The following LYPD6 variants were observed in gnomAD, a reference collection of about 807,000 sequenced individuals.
The protein encoded by LYPD6 is LY6/PLAUR domain containing 6.
Under a neutral mutation model 22.7 loss-of-function variants are expected in LYPD6, and 15 were observed. That is an observed-to-expected ratio of 0.66 (90% CI 0.44 to 1.02). The LOEUF (loss-of-function observed/expected upper bound fraction) is 1.02, where lower values mean the gene tolerates loss of function less well. Ranked by LOEUF, LYPD6 falls within the 50% of genes least tolerant of loss-of-function variation. LYPD6 has a pLI of 0.00. For synonymous variants in LYPD6, 72 were observed against 77.5 expected (o/e 0.93, Z 0.37); for missense variants, 189 against 208.4 (o/e 0.91, Z 0.57).
intron 1 of LYPD6, among the ~76,000 whole-genome samples, chr2:149,428,471 T>C (rs185448391): frequency 8.5e-5 from 13 of 152,314 alleles, no homozygotes; most frequent in African/African-American, 2.6e-4. Flanking sequence ...CATTCTCTTC[T>C]TCCTCCTCCA....
At chr2:149,451,631 C>CT (rs1680816533) in intron 3 of LYPD6, among the ~76,000 whole-genome samples, 1 of 152,306 alleles carries the variant, frequency 6.6e-6, no homozygotes, top group Admixed American at 6.5e-5. Context: ...CATCTTGATA[C>CT]TTTCTTTTGA....
chr2:149,469,644 T>C (rs1175643299), intron 4 of LYPD6, among the ~76,000 whole-genome samples: 6 of 152,168 alleles, frequency 3.9e-5, no homozygotes, highest in Admixed American at 1.3e-4. Context: ...ATCTGCCTAT[T>C]CTGCTCCTGG....
chr2:149,331,183 G>C (rs1680931068), intron 1 of LYPD6, among the ~76,000 whole-genome samples: 1 of 152,132 alleles, frequency 6.6e-6, no homozygotes, highest in African/African-American at 2.4e-5. Flanking sequence ...CGGCCACCCG[G>C]AGCCTCTAAG....
the LYPD6 span, among the ~76,000 whole-genome samples, chr2:149,481,710 G>A: frequency 3.9e-5 from 6 of 152,226 alleles, no homozygotes; most frequent in African/African-American, 1.4e-4. Context: ...TGTTCAATGT[G>A]TCATACTATG....
At chr2:149,479,402 CCTT>C in the LYPD6 span, among the ~76,000 whole-genome samples, 3 of 152,180 alleles carry the variant, frequency 2.0e-5, no homozygotes, top group African/African-American at 4.8e-5. Flanking sequence ...CCCTCAGACT[CCTT>C]CTATGAATTC....
chr2:149,381,755 G>A (rs1365959968), intron 1 of LYPD6, among the ~76,000 whole-genome samples: 1 of 152,110 alleles, frequency 6.6e-6, no homozygotes, highest in South Asian at 2.1e-4. Context: ...TCATATGTTG[G>A]TTGCCCCAAC....
At chr2:149,402,468 T>A (rs1682581794) in intron 1 of LYPD6, among the ~76,000 whole-genome samples, 1 of 152,184 alleles carries the variant, frequency 6.6e-6, no homozygotes, top group African/African-American at 2.4e-5. Flanking sequence ...TCCACACTGT[T>A]TTCCATAGTG....
Position 149,351,621 on chromosome 2 carries a change from G to T in LYPD6, c.-72+20899G>T, listed in dbSNP as rs566872725. 6.6e-5 allele frequency among the ~76,000 whole-genome samples: 10 copies of T among 152,196 alleles called. No individual in the cohort carries two copies. In the East Asian group the frequency reaches 1.7e-3, roughly 26 times the overall value. ...TTATTATTTTAAAAATTTAAAAGTG[G>T]ATTATTGAAGGTCTACCATGCACCT... On this transcript the variant is annotated intron_variant, in intron 1 of 4. Transcript: ENST00000334166.
intron 3 of LYPD6, among the ~76,000 whole-genome samples, chr2:149,460,747 C>T (rs780554368): frequency 6.6e-6 from 1 of 151,996 alleles, no homozygotes; most frequent in Non-Finnish European, 1.5e-5. Context: ...ATAAAGCAAA[C>T]CTCAACAAAC....
At chr2:149,409,501 A>G (rs891567905) in intron 1 of LYPD6, among the ~76,000 whole-genome samples, 4 of 152,202 alleles carry the variant, frequency 2.6e-5, no homozygotes, top group African/African-American at 9.6e-5. Flanking sequence ...GAGCAGGGCC[A>G]TAGAACTCCC....
intron 1 of LYPD6, among the ~76,000 whole-genome samples, chr2:149,429,418 G>A (rs1203477622): frequency 6.6e-6 from 1 of 152,210 alleles, no homozygotes; most frequent in Admixed American, 6.5e-5. Context: ...GTCTAAACTG[G>A]ATGGTTAGGT....
rs149964416 is a variant in LYPD6, at chr2:149,354,332, T to C, written c.-72+23610T>C. The stretch of plus-strand genomic sequence containing the variant: ...AAGCAATTCTCCTGCCTCAGCCTCC[T>C]GAGTAGCTGGGATTACAGGTGCATG... On this transcript the variant is annotated intron_variant, in intron 1 of 4. Transcript: ENST00000334166. Among the ~76,000 whole-genome samples the C allele has an allele frequency of 4.4e-3, 663 of 152,214 alleles. 6 individuals carry two copies. Among genetic ancestry groups the C allele is most frequent in the Non-Finnish European group, 5.7e-3 (389 of 68,012 alleles).
intron 1 of LYPD6, among the ~76,000 whole-genome samples, chr2:149,415,319 G>A (rs1682937543): frequency 6.6e-6 from 1 of 152,176 alleles, no homozygotes; most frequent in Non-Finnish European, 1.5e-5. Context: ...AGTTCCTGGA[G>A]AGAGAGCAGA....
At chr2:149,362,066 A>G (rs759749670) in intron 1 of LYPD6, among the ~76,000 whole-genome samples, 73 of 152,192 alleles carry the variant, frequency 4.8e-4, no homozygotes, top group Admixed American at 1.3e-4. Context: ...TCCATAAGGA[A>G]TGAAACTGTG....
intron 1 of LYPD6, among the ~76,000 whole-genome samples, chr2:149,389,790 C>A (rs571563059): frequency 3.3e-5 from 5 of 152,178 alleles, no homozygotes; most frequent in Non-Finnish European, 7.3e-5. Context: ...AGACACTCCC[C>A]CTGCTCCTGA....
At chr2:149,411,949 T>C (rs1172040187) in intron 1 of LYPD6, among the ~76,000 whole-genome samples, 1 of 152,230 alleles carries the variant, frequency 6.6e-6, no homozygotes, top group African/African-American at 2.4e-5. Context: ...TCTTTTTTTC[T>C]CGTAATATAG....
intron 2 of LYPD6, among the ~76,000 whole-genome samples, chr2:149,448,434 A>T (rs1403986012): frequency 6.6e-6 from 1 of 152,194 alleles, no homozygotes; most frequent in Non-Finnish European, 1.5e-5. Flanking sequence ...ACCTAATTTT[A>T]TCATGTGTAG....
At chr2:149,338,730 A>C (rs10177164) in intron 1 of LYPD6, among the ~76,000 whole-genome samples, 46,754 of 152,052 alleles carry the variant, frequency 0.31, 7,394 homozygotes, top group Middle Eastern at 0.39. Flanking sequence ...TTATTATAGC[A>C]GCCTGATGGA....
intron 3 of LYPD6, among the ~76,000 whole-genome samples, chr2:149,455,562 G>T (rs1027055069): frequency 1.4e-4 from 21 of 152,036 alleles, no homozygotes; most frequent in African/African-American, 5.1e-4. Flanking sequence ...CTGGCCTCCA[G>T]CAAGTTTTTA....
Sources: gnomAD v4.1 joint callset for allele counts (sites outside exome capture counted in the v4.1 genomes callset) on GRCh38, gnomAD v4.1.1 for gene constraint, MANE v1.5 for transcripts, NCBI Gene and HGNC (gene_info 2026-07-23, HGNC 2026-07-21) for gene names.